Variants in SH2D4B observed in about 807,000 individuals in gnomAD.
SH2D4B encodes SH2 domain-containing protein 4B.
Under a neutral mutation model 61.5 loss-of-function variants are expected in SH2D4B, and 45 were observed. That is an observed-to-expected ratio of 0.73 (90% CI 0.58 to 0.94). SH2D4B has a LOEUF of 0.94. SH2D4B is among the 40% of genes least tolerant of loss of function. SH2D4B has a pLI of 0.00. For missense variants in SH2D4B, 572 were observed against 574.2 expected, an observed-to-expected ratio of 1.00 and a Z score of 0.04; for synonymous variants, 224 against 220.4, an observed-to-expected ratio of 1.02 and a Z score of -0.14.
At chr10:80,633,229 T>C (rs1842853853) in intron 6 of SH2D4B, among the ~76,000 whole-genome samples, 1 of 152,078 alleles carries the variant, frequency 6.6e-6, no homozygotes, top group Non-Finnish European at 1.5e-5. Context: ...TGCCTGTCAC[T>C]GATAGTGTGG....
intron 6 of SH2D4B, among the ~76,000 whole-genome samples, chr10:80,628,209 G>A (rs1297837157): frequency 6.6e-6 from 1 of 152,186 alleles, no homozygotes; most frequent in East Asian, 1.9e-4. Flanking sequence ...GTTTTGCTGT[G>A]TCCCCACCCA....
At chr10:80,567,106 A>T (rs1243809261) in intron 1 of SH2D4B, among the ~76,000 whole-genome samples, 1 of 152,148 alleles carries the variant, frequency 6.6e-6, no homozygotes, top group Non-Finnish European at 1.5e-5. Context: ...TGGATCATGG[A>T]TCAGGCTGCT....
chr10:80,590,588 A>C (rs1235523654), intron 4 of SH2D4B, among the ~76,000 whole-genome samples: 2 of 152,158 alleles, frequency 1.3e-5, no homozygotes, highest in African/African-American at 4.8e-5. Flanking sequence ...TTGTGATGGT[A>C]CACTTGACTG....
At chr10:80,572,962 A>ATG (rs1842070109) in intron 3 of SH2D4B, among the ~76,000 whole-genome samples, 1 of 11,450 alleles carries the variant, frequency 8.7e-5, no homozygotes, top group African/African-American at 3.8e-4. Context: ...ATATATATAT[A>ATG]TATATATATA....
At chr10:80,640,575 CAA>C (rs1332954682) in intron 7 of SH2D4B, among the ~76,000 whole-genome samples, 3 of 152,138 alleles carry the variant, frequency 2.0e-5, no homozygotes, top group African/African-American at 7.2e-5. Flanking sequence ...TCCACTTGAT[CAA>C]ATTGGCTATT....
intron 1 of SH2D4B, among the ~76,000 whole-genome samples, chr10:80,569,268 C>T (rs1000751620): frequency 4.6e-5 from 7 of 152,080 alleles, no homozygotes; most frequent in African/African-American, 1.2e-4. Flanking sequence ...GAGTGCAGAG[C>T]GGGCCCACCA....
rs184193649 is a variant in SH2D4B, at chr10:80,556,446, A to G, written c.185-13708A>G. ...TATTCTAGGTCCTTTGCTTTTACAC[A>G]TAAGTTAGAATTAGCTTGTCAATTC... On this transcript the variant is annotated intron_variant, in intron 1 of 7. Transcript: ENST00000646907. 7.2e-5 allele frequency among the ~76,000 whole-genome samples: 11 copies of G among 152,316 alleles called. 1 individual carries two copies. In the South Asian group the frequency reaches 1.9e-3, roughly 26 times the overall value.
At chr10:80,581,559 C>T (rs776305556) in intron 3 of SH2D4B, among the ~76,000 whole-genome samples, 8 of 152,066 alleles carry the variant, frequency 5.3e-5, no homozygotes, top group African/African-American at 7.2e-5. Context: ...TGGACACAGA[C>T]GGGCACACAC....
At chr10:80,590,467 G>T (rs746983911) in intron 4 of SH2D4B, among the ~76,000 whole-genome samples, 3 of 152,118 alleles carry the variant, frequency 2.0e-5, no homozygotes, top group Admixed American at 6.6e-5. Flanking sequence ...CAAAAAATCA[G>T]AAAATACAGA....
chr10:80,538,525 T>C lies in SH2D4B; in HGVS notation c.184+10T>C. ...CCAAAGACCAAGCGAGGTACGTGGC[T>C]GGGAGTCACAGAGAGGTAGGCCACC... is the stretch of plus-strand genomic sequence containing the variant. On this transcript the variant is annotated intron_variant, in intron 1 of 7. Coordinates refer to ENST00000646907, the MANE Select transcript of SH2D4B (RefSeq NM_001388272.1). This position sits in a 1 kb window ranked among gnomAD's most constrained non-coding sequence, Gnocchi z 4.8. 1 of 1,373,906 alleles carries C rather than the reference T, an allele frequency of 7.3e-7. No individual in the cohort carries two copies. Among genetic ancestry groups the C allele is most frequent in the Non-Finnish European group, 9.5e-7 (1 of 1,056,232 alleles). 85.1% of individuals were successfully genotyped at this position (1,373,906 alleles called of 1,614,324 possible).
chr10:80,591,331 A>T (rs1483035207), intron 4 of SH2D4B, among the ~76,000 whole-genome samples: 1 of 151,908 alleles, frequency 6.6e-6, no homozygotes, highest in East Asian at 1.9e-4. Flanking sequence ...AATATCTGAG[A>T]CTGAGTGACT....
intron 6 of SH2D4B, among the ~76,000 whole-genome samples, chr10:80,632,123 T>C (rs1842839773): frequency 6.6e-6 from 1 of 151,908 alleles, no homozygotes; most frequent in Non-Finnish European, 1.5e-5. Flanking sequence ...GATAGTTGTC[T>C]CCACAAAAAG....
intron 6 of SH2D4B, among the ~76,000 whole-genome samples, chr10:80,623,724 C>T (rs963464975): frequency 5.9e-5 from 9 of 152,150 alleles, no homozygotes; most frequent in African/African-American, 1.2e-4. Context: ...TTACATGAAT[C>T]GTGAGGTGCT....
intron 6 of SH2D4B, among the ~76,000 whole-genome samples, chr10:80,616,631 G>A (rs1231332499): frequency 1.2e-4 from 18 of 152,124 alleles, no homozygotes; most frequent in African/African-American, 4.1e-4. Flanking sequence ...GTACCTTTTG[G>A]ATCAGTGGCA....
Position 80,582,467 on chromosome 10 carries a change from C to A in SH2D4B, c.496-6163C>A, listed in dbSNP as rs1049622092. On this transcript the variant is annotated intron_variant, in intron 3 of 7. Coordinates refer to ENST00000646907, the MANE Select transcript of SH2D4B (RefSeq NM_001388272.1). ...AATACTGTGCTGGCAAGGGCTTCAT[C>A]TGGTTGCTAGGCTACCCTTCTGGAA... Among the ~76,000 whole-genome samples the A allele has an allele frequency of 2.0e-5, 3 of 152,322 alleles. No individual in the cohort carries two copies. In the South Asian group the frequency reaches 6.2e-4, roughly 32 times the overall value.
Position 80,573,527 on chromosome 10 carries a change from G to A in SH2D4B, c.495+1949G>A, listed in dbSNP as rs145874893. Among the ~76,000 whole-genome samples the A allele has an allele frequency of 1.9e-3, 282 of 152,090 alleles. 2 individuals are homozygous for A. The highest frequency in any genetic ancestry group is 6.4e-3 in the African/African-American group (264 of 41,500). On this transcript the variant is annotated intron_variant, in intron 3 of 7. Coordinates refer to ENST00000646907, the MANE Select transcript of SH2D4B (RefSeq NM_001388272.1). ...CACTTTGGAGGGTGATGTAATAGAG[G>A]GCTCTTTATTTTCTTCCAAATGGCA...
intron 6 of SH2D4B, among the ~76,000 whole-genome samples, chr10:80,632,788 G>T (rs767935424): frequency 5.3e-5 from 8 of 151,974 alleles, no homozygotes; most frequent in Non-Finnish European, 1.2e-4. Flanking sequence ...AGGCCTTCTG[G>T]GGGGAAGCAG....
chr10:80,571,776 CTTTTTTTTTTT>C (rs11394733), intron 3 of SH2D4B, among the ~76,000 whole-genome samples, 198 bp downstream of exon 3: 25 of 135,636 alleles, frequency 1.8e-4, no homozygotes, highest in African/African-American at 6.5e-4. Context: ...TTTTTTTTTT[CTTTTTTTTTTT>C]TTTTGAGACG....
chr10:80,607,828 A>G (rs968699655), intron 5 of SH2D4B, among the ~76,000 whole-genome samples: 6 of 152,140 alleles, frequency 3.9e-5, no homozygotes, highest in Admixed American at 1.3e-4. Flanking sequence ...GTCTCCTGTC[A>G]CTCAGTTGGA....
Sources: allele counts gnomAD v4.1 joint callset (sites outside exome capture counted in the v4.1 genomes callset), GRCh38; gene constraint gnomAD v4.1.1; non-coding constraint Gnocchi (gnomAD v3.1); transcripts MANE v1.5; gene names NCBI Gene and HGNC (gene_info 2026-07-23, HGNC 2026-07-21).